The following RXRA variants were observed in gnomAD, a reference collection of about 807,000 sequenced individuals.
RXRA encodes the protein retinoid X receptor alpha, also known as retinoic acid receptor RXR-alpha.
Under a neutral mutation model 44.5 loss-of-function variants are expected in RXRA, and 5 were observed. The observed-to-expected ratio is 0.11, with a 90% CI of 0.06 to 0.24. RXRA has a LOEUF of 0.24. Among genes scored for constraint, RXRA ranks in the 10% least tolerant of loss-of-function variants. The probability of loss-of-function intolerance (pLI) is 1.00; values close to 1 mark genes in which losing one functional copy is unlikely to be tolerated. For missense variants in RXRA, 412 were observed against 646.5 expected, an observed-to-expected ratio of 0.64 and a Z score of 3.93; for synonymous variants, 291 against 271.4, an observed-to-expected ratio of 1.07 and a Z score of -0.71.
chr9:134,373,072 C>T (rs1305924274), intron 1 of RXRA, among the ~76,000 whole-genome samples: 1 of 152,128 alleles, frequency 6.6e-6, no homozygotes, highest in Admixed American at 6.5e-5. Flanking sequence ...CCCTGGAGAC[C>T]AGTCCGTTAT....
At chr9:134,364,783 GC>G (rs1554750853) in intron 1 of RXRA, among the ~76,000 whole-genome samples, 1 of 152,232 alleles carries the variant, frequency 6.6e-6, no homozygotes, top group Non-Finnish European at 1.5e-5. Flanking sequence ...TGCCCAGCCT[GC>G]CCCTGCTGAC....
At chr9:134,374,993 C>T (rs563312978) in intron 1 of RXRA, among the ~76,000 whole-genome samples, 17 of 152,338 alleles carry the variant, frequency 1.1e-4, no homozygotes, top group African/African-American at 3.6e-4. Context: ...CGGTAGCCCT[C>T]AGCCTTGGCA....
At chr9:134,399,491 C>G (rs975422484) in intron 1 of RXRA, among the ~76,000 whole-genome samples, 2 of 152,188 alleles carry the variant, frequency 1.3e-5, no homozygotes, top group Non-Finnish European at 2.9e-5. Flanking sequence ...CTTGTCAGCT[C>G]CTAGCTGTTC....
Position 134,346,724 on chromosome 9 carries a change from C to T in RXRA, c.28+20065C>T, listed in dbSNP as rs147683519. Among the ~76,000 whole-genome samples, 940 of 152,358 alleles carry T rather than the reference C, an allele frequency of 6.2e-3. 9 individuals carry two copies. Among genetic ancestry groups the T allele is most frequent in the African/African-American group, 0.022 (900 of 41,588 alleles). ...TTGGGGATGTCATGTACCTTCACCC[C>T]ACTGTCTGCTCGCACTTGTGTGCTG... On this transcript the variant is annotated intron_variant, in intron 1 of 9. Coordinates refer to ENST00000481739, the MANE Select transcript of RXRA (RefSeq NM_002957.6).
intron 1 of RXRA, chr9:134,379,995 G>C: frequency 3.0e-6 from 3 of 985,324 alleles, no homozygotes; most frequent in Non-Finnish European, 3.6e-6. Context: ...GGAGCTTCAG[G>C]ATTAGGGACT....
At chr9:134,326,996 G>A (rs1387197500) in intron 1 of RXRA, among the ~76,000 whole-genome samples, 1 of 151,606 alleles carries the variant, frequency 6.6e-6, no homozygotes, top group African/African-American at 2.4e-5. Flanking sequence ...GAACCCGGCC[G>A]GAGCGGGAGG....
chr9:134,422,296 G>A (rs1338508945), intron 6 of RXRA: 2 of 1,279,160 alleles, frequency 1.6e-6, no homozygotes, highest in East Asian at 1.2e-4. Flanking sequence ...CTACTTCCTG[G>A]GACGCTCCCC....
At position 134,426,850 on chromosome 9, in the gene RXRA, G is replaced by C. The variant is rs543833051; in HGVS notation, c.911-2258G>C. On this transcript the variant is annotated intron_variant, in intron 6 of 9. Coordinates refer to ENST00000481739, the MANE Select transcript of RXRA (RefSeq NM_002957.6). This position sits in a 1 kb window ranked among gnomAD's most constrained non-coding sequence, Gnocchi z 4.6. ...CCCAGATCTTGTCCTCGGCCCCCTG[G>C]GTCCCTGCCCTTGGCCACAGGAAGT... 1.1e-5 allele frequency: 11 copies of C among 985,414 alleles called. No homozygotes were observed. In the South Asian group the frequency reaches 4.7e-4, roughly 42 times the overall value. The allele number at this position is 985,414 out of a possible 1,614,324, so 61.0% of individuals were successfully genotyped here. A position where few individuals can be genotyped will look rare whatever the true frequency, so the allele number is the denominator to read the frequency against.
rs979289392 is a variant in RXRA, at chr9:134,349,810, G to A, written c.28+23151G>A. On this transcript the variant is annotated intron_variant, in intron 1 of 9. Transcript: ENST00000481739. This position sits in a 1 kb window ranked among gnomAD's most constrained non-coding sequence, Gnocchi z 4.3. ...GGCTGCTTGGAGGAGGGGCAGAGCT[G>A]GGCTAGCTCGGGTGGGCGGGCGGGT... is the stretch of plus-strand genomic sequence containing the variant. 8.6e-5 allele frequency among the ~76,000 whole-genome samples: 13 copies of A among 150,998 alleles called. No homozygotes were observed. The highest frequency in any genetic ancestry group is 2.1e-4 in the South Asian group (1 of 4,758).
chr9:134,349,525 G>A lies in RXRA; in HGVS notation c.28+22866G>A, dbSNP rs1186845846. ...CGGGGGTGGCTCGGCCCTGAAGCTC[G>A]TGGCGGGCAGGAGTGTGCACGGACA... On this transcript the variant is annotated intron_variant, in intron 1 of 9. Transcript: ENST00000481739. This position sits in a 1 kb window ranked among gnomAD's most constrained non-coding sequence, Gnocchi z 4.3. 1.3e-5 allele frequency among the ~76,000 whole-genome samples: 2 copies of A among 152,176 alleles called. No individual in the cohort carries two copies. Among genetic ancestry groups the A allele is most frequent in the African/African-American group, 2.4e-5 (1 of 41,440 alleles).
intron 1 of RXRA, among the ~76,000 whole-genome samples, chr9:134,341,036 T>A (rs1349063670): frequency 6.6e-6 from 1 of 152,204 alleles, no homozygotes; most frequent in Non-Finnish European, 1.5e-5. Flanking sequence ...CCTGGCCTCG[T>A]GCCCTCACCT....
At chr9:134,390,516 C>T (rs192939563) in intron 1 of RXRA, among the ~76,000 whole-genome samples, 10 of 152,258 alleles carry the variant, frequency 6.6e-5, no homozygotes, top group East Asian at 5.8e-4. Context: ...CCTGTGGCCA[C>T]GGGGTGGTTT....
At chr9:134,419,478 C>T (rs890592756) in intron 5 of RXRA, among the ~76,000 whole-genome samples, 3 of 152,182 alleles carry the variant, frequency 2.0e-5, no homozygotes, top group Admixed American at 6.5e-5. Flanking sequence ...TCACACTGAA[C>T]GCTCCTCTGT....
In RXRA at chr9:134,433,235, ACGGCC is replaced by A. The variant is rs1191651394; in HGVS notation, c.1136-854_1136-850del. On this transcript the variant is annotated intron_variant, in intron 8 of 9. Transcript: ENST00000481739. This position sits in a 1 kb window ranked among gnomAD's most constrained non-coding sequence, Gnocchi z 4.2. ...GCCAGCTCGGAGGCTGAGTCATGCCACGGCCCGGCCCGGCCCGAGGAATCCCCATT... is the reference window on the plus strand; with the variant it reads ...GCCAGCTCGGAGGCTGAGTCATGCCACGGCCCGGCCCGAGGAATCCCCATT... Among the ~76,000 whole-genome samples, 4 of 152,046 alleles carry A rather than the reference ACGGCC, an allele frequency of 2.6e-5. No individual in the cohort carries two copies. The South Asian group carries it at 8.3e-4, about 32-fold the overall frequency.
At chr9:134,395,677 GC>G (rs1307125538) in intron 1 of RXRA, among the ~76,000 whole-genome samples, 1 of 152,198 alleles carries the variant, frequency 6.6e-6, no homozygotes, top group African/African-American at 2.4e-5. Flanking sequence ...GAGGTGGGGG[GC>G]TGGACCTCCC....
chr9:134,387,722 G>T (rs753809315), intron 1 of RXRA, among the ~76,000 whole-genome samples: 3 of 152,230 alleles, frequency 2.0e-5, no homozygotes, highest in African/African-American at 7.2e-5. Context: ...GCAGGCGTGC[G>T]GCGTGCCTGC....
At chr9:134,375,055 G>C (rs991393694) in intron 1 of RXRA, among the ~76,000 whole-genome samples, 1 of 152,178 alleles carries the variant, frequency 6.6e-6, no homozygotes, top group African/African-American at 2.4e-5. Context: ...GCTCTTGAGG[G>C]GGTGTGTAGG....
Position 134,417,992 on chromosome 9 carries a change from A to AC in RXRA, c.780+670dup, listed in dbSNP as rs1203346536. ...TGGTCCTGGAGGTGTTGGATTCAAG[A>AC]CCCCCTGGCCTCGCCCTCCTCTCCT... On this transcript the variant is annotated intron_variant, in intron 5 of 9. Coordinates refer to ENST00000481739, the MANE Select transcript of RXRA (RefSeq NM_002957.6). This position sits in a 1 kb window ranked among gnomAD's most constrained non-coding sequence, Gnocchi z 6.1. Among the ~76,000 whole-genome samples, 1 of 148,888 alleles carries AC rather than the reference A, an allele frequency of 6.7e-6. No individual in the cohort carries two copies. Among genetic ancestry groups the AC allele is most frequent in the African/African-American group, 2.5e-5 (1 of 40,036 alleles).
chr9:134,408,875 A>AT, intron 3 of RXRA, 65 bp from the exon 4 acceptor site: 1 of 1,411,384 alleles, frequency 7.1e-7, no homozygotes, highest in Non-Finnish European at 9.4e-7. Flanking sequence ...GCGGCGTTGG[A>AT]TGGGGGGTGG....
Sources: allele counts gnomAD v4.1 joint callset (sites outside exome capture counted in the v4.1 genomes callset), GRCh38; gene constraint gnomAD v4.1.1; non-coding constraint Gnocchi (gnomAD v3.1); transcripts MANE v1.5; gene names NCBI Gene and HGNC (gene_info 2026-07-23, HGNC 2026-07-21).